The following ASAP1 variants were observed in gnomAD, a reference collection of about 807,000 sequenced individuals.
The protein encoded by ASAP1 is arf-GAP with SH3 domain, ANK repeat and PH domain-containing protein 1.
Under a neutral mutation model 145.2 loss-of-function variants are expected in ASAP1, and 43 were observed. The observed-to-expected ratio is 0.30, with a 90% CI of 0.23 to 0.38. ASAP1 has a LOEUF of 0.38. ASAP1 is among the 10% of genes least tolerant of loss of function. The pLI is 1.00. For synonymous variants in ASAP1, 546 were observed against 515.5 expected (o/e 1.06, Z -0.80); for missense variants, 1,018 against 1,355.3 (o/e 0.75, Z 3.91).
At chr8:130,250,465 T>A (rs776661891) in intron 3 of ASAP1, among the ~76,000 whole-genome samples, 28 of 152,156 alleles carry the variant, frequency 1.8e-4, no homozygotes, top group Non-Finnish European at 3.8e-4. Context: ...CTTACTATAG[T>A]TGCTTCATGT....
intron 2 of ASAP1, among the ~76,000 whole-genome samples, chr8:130,374,304 C>T (rs759464833): frequency 1.1e-4 from 16 of 152,196 alleles, no homozygotes; most frequent in Non-Finnish European, 2.4e-4. Context: ...GATTTTACTA[C>T]GTATGTGAAT....
chr8:130,111,275 TGGAAG>T (rs2097546382), intron 24 of ASAP1, among the ~76,000 whole-genome samples: 1 of 148,024 alleles, frequency 6.8e-6, no homozygotes, highest in African/African-American at 2.5e-5. Context: ...TCCAGCTACT[TGGAAG>T]GCTGAGGTGG....
At chr8:130,263,128 G>T (rs992019459) in intron 3 of ASAP1, among the ~76,000 whole-genome samples, 1 of 152,188 alleles carries the variant, frequency 6.6e-6, no homozygotes, top group African/African-American at 2.4e-5. Context: ...CTGATTACGT[G>T]TGTTGATCAC....
intron 24 of ASAP1, among the ~76,000 whole-genome samples, chr8:130,104,733 G>A (rs1592808681): frequency 6.6e-6 from 1 of 152,180 alleles, no homozygotes; most frequent in East Asian, 1.9e-4. Context: ...CGACTATAAA[G>A]ATAATTCATG....
chr8:130,204,912 T>C (rs1816106895), intron 5 of ASAP1, among the ~76,000 whole-genome samples: 1 of 152,172 alleles, frequency 6.6e-6, no homozygotes, highest in Admixed American at 6.5e-5. Flanking sequence ...CACCACAGTA[T>C]AAAGACAAGC....
At chr8:130,370,704 G>T (rs1827172909) in intron 2 of ASAP1, among the ~76,000 whole-genome samples, 1 of 152,152 alleles carries the variant, frequency 6.6e-6, no homozygotes, top group South Asian at 2.1e-4. Context: ...CCATACAATG[G>T]AATATTATTC....
chr8:130,210,797 T>C (rs1274958042), intron 5 of ASAP1, among the ~76,000 whole-genome samples: 2 of 152,172 alleles, frequency 1.3e-5, no homozygotes, highest in East Asian at 3.8e-4. Flanking sequence ...TGCATCTATC[T>C]CTAAAATGGG....
intron 13 of ASAP1, among the ~76,000 whole-genome samples, chr8:130,140,230 A>C (rs1372176784): frequency 1.3e-5 from 2 of 151,410 alleles, no homozygotes; most frequent in Non-Finnish European, 2.9e-5. Flanking sequence ...TTTAGTGGAG[A>C]CAGTCTCTCC....
chr8:130,153,357 A>ATATATG (rs1337737853), intron 12 of ASAP1, among the ~76,000 whole-genome samples: 1 of 39,872 alleles, frequency 2.5e-5, no homozygotes, highest in Non-Finnish European at 5.2e-5. Context: ...ATATATATAT[A>ATATATG]TGTATATATA....
At chr8:130,263,324 C>G (rs1556972) in intron 3 of ASAP1, among the ~76,000 whole-genome samples, 15,620 of 152,170 alleles carry the variant, frequency 0.1, 945 homozygotes, top group South Asian at 0.27. Flanking sequence ...ATCCCACCCT[C>G]TCAGGAATTT....
At chr8:130,092,896 A>G (rs895514524) in intron 24 of ASAP1, among the ~76,000 whole-genome samples, 4 of 151,744 alleles carry the variant, frequency 2.6e-5, no homozygotes, top group Non-Finnish European at 4.4e-5. Context: ...TTTTCTTTCT[A>G]CAACTTTTTC....
At chr8:130,273,876 A>T (rs1353891440) in intron 3 of ASAP1, among the ~76,000 whole-genome samples, 1 of 152,146 alleles carries the variant, frequency 6.6e-6, no homozygotes, top group Admixed American at 6.5e-5. Flanking sequence ...TTCTCATTTA[A>T]AAAGCTCATC....
At chr8:130,253,363 GAA>G (rs1403958795) in intron 3 of ASAP1, among the ~76,000 whole-genome samples, 1 of 152,180 alleles carries the variant, frequency 6.6e-6, no homozygotes, top group Non-Finnish European at 1.5e-5. Context: ...ATGGTACTTG[GAA>G]GAGAGCAAAC....
intron 2 of ASAP1, among the ~76,000 whole-genome samples, chr8:130,388,695 G>A (rs1828136162): frequency 6.6e-6 from 1 of 152,144 alleles, no homozygotes; most frequent in East Asian, 1.9e-4. Context: ...AAAGAAAACC[G>A]TGTTTTTAGA....
chr8:130,128,131 G>T, intron 15 of ASAP1, 41 bp from the exon 16 acceptor site: 7 of 499,452 alleles, frequency 1.4e-5, no homozygotes, highest in East Asian at 6.1e-5. Flanking sequence ...CTTTATAAGA[G>T]CATGGTCATT....
At chr8:130,312,147 G>A in intron 3 of ASAP1, among the ~76,000 whole-genome samples, 1 of 152,000 alleles carries the variant, frequency 6.6e-6, no homozygotes, top group Admixed American at 6.6e-5. Context: ...GTGTGGTGGT[G>A]TGCTCCTGTA....
rs554825431 is a variant in ASAP1, at chr8:130,293,065, G to A, written c.187-56071C>T. Among the ~76,000 whole-genome samples, 14 of 152,302 alleles carry A rather than the reference G, an allele frequency of 9.2e-5. No homozygotes were observed. In the East Asian group the frequency reaches 1.3e-3, roughly 15 times the overall value. On this transcript the variant is annotated intron_variant, in intron 3 of 29. Transcript: ENST00000518721. ...GCCCTAATTGGCAGCCCTGCTTAAC[G>A]ACTGACATTCAAATGACTCCAGAAA...
chr8:130,115,261 C>G (rs1564975452), intron 23 of ASAP1, among the ~76,000 whole-genome samples: 1 of 152,202 alleles, frequency 6.6e-6, no homozygotes, highest in Non-Finnish European at 1.5e-5. Flanking sequence ...TGAGGTCCCC[C>G]AAAGGGTAAG....
chr8:130,276,923 T>A (rs1184794795), intron 3 of ASAP1, among the ~76,000 whole-genome samples: 2 of 152,004 alleles, frequency 1.3e-5, no homozygotes, highest in East Asian at 3.9e-4. Context: ...CTAAGTGAAC[T>A]CAATGGCAGA....
Sources: gnomAD v4.1 joint callset for allele counts (sites outside exome capture counted in the v4.1 genomes callset) on GRCh38, gnomAD v4.1.1 for gene constraint, MANE v1.5 for transcripts, NCBI Gene and HGNC (gene_info 2026-07-23, HGNC 2026-07-21) for gene names.